The following UBN2 variants were observed in gnomAD, a reference collection of about 807,000 sequenced individuals.
UBN2 encodes the protein ubinuclein-2.
Under a neutral mutation model 120.2 loss-of-function variants are expected in UBN2, and 35 were observed. That is an observed-to-expected ratio of 0.29 (90% CI 0.22 to 0.39). The LOEUF (loss-of-function observed/expected upper bound fraction) is 0.39. Ranked by LOEUF, UBN2 falls within the 10% of genes least tolerant of loss-of-function variation. The probability of loss-of-function intolerance (pLI) is 1.00; values close to 1 mark genes in which losing one functional copy is unlikely to be tolerated. For synonymous variants in UBN2, 661 were observed against 648.7 expected (o/e 1.02, Z -0.29); for missense variants, 1,693 against 1,663.2 (o/e 1.02, Z -0.31).
chr7:139,242,362 T>C (rs1432981323), intron 2 of UBN2, among the ~76,000 whole-genome samples: 1 of 152,202 alleles, frequency 6.6e-6, no homozygotes, highest in African/African-American at 2.4e-5. Flanking sequence ...TTAACCTGTT[T>C]GTTTTGGCCT....
In UBN2 at chr7:139,258,614, A is replaced by C; in HGVS notation, c.790A>C (p.Lys264Gln). The C allele has an allele frequency of 2.5e-6, 4 of 1,598,272 alleles. No individual in the cohort carries two copies. Among genetic ancestry groups the C allele is most frequent in the Non-Finnish European group, 2.6e-6 (3 of 1,171,544 alleles). ...EDDITDNQKH[K>Q]PPKVPKIKED... ...TGATATTACAGACAACCAAAAGCAC[A>C]AGCCACCCAAGGTGAGTTTATCAAA... Residue 264 changes from lysine to glutamine, a missense_variant, in exon 4 of 18, where the codon AAG becomes CAG. This residue lies in a region of UBN2 where 663 missense variants were observed against 591.2 expected (regional missense o/e 1.12). Coordinates refer to ENST00000473989, the MANE Select transcript of UBN2 (RefSeq NM_173569.4).
chr7:139,291,896 A>G lies in UBN2; in HGVS notation c.3670-1336A>G, dbSNP rs181963914. Among the ~76,000 whole-genome samples the G allele has an allele frequency of 5.0e-3, 756 of 152,202 alleles. 5 individuals are homozygous for G. Among genetic ancestry groups the G allele is most frequent in the Non-Finnish European group, 6.9e-3 (471 of 68,028 alleles). ...AATTTTTTTTAAATAAAAAAGTCAAAATGGAAAAAAATGATTTAATTGCCA... is the reference window on the plus strand; with the variant it reads ...AATTTTTTTTAAATAAAAAAGTCAAGATGGAAAAAAATGATTTAATTGCCA... On this transcript the variant is annotated intron_variant, in intron 15 of 17. Transcript: ENST00000473989.
chr7:139,267,560 G>GAA (rs1311749572), intron 7 of UBN2, among the ~76,000 whole-genome samples: 11 of 151,284 alleles, frequency 7.3e-5, no homozygotes, highest in African/African-American at 2.7e-4. Flanking sequence ...GAGAGAAAGA[G>GAA]AGAAGGAAAA....
In UBN2 at chr7:139,283,563, G is replaced by C. The variant is rs775025735; in HGVS notation, c.2658G>C (p.Gln886His). 7 of 1,614,166 alleles carry C rather than the reference G, an allele frequency of 4.3e-6. No individual in the cohort carries two copies. The highest frequency in any genetic ancestry group is 3.3e-5 in the South Asian group (3 of 91,078). Residue 886 changes from glutamine to histidine, a missense_variant, in exon 15 of 18, where the codon CAG (glutamine) becomes CAC (histidine). By Grantham distance (24) the Gln-to-His change is conservative. Transcript: ENST00000473989. ...LLQQGLQRSS[Q>H]IHTSSSSQTH... The stretch of plus-strand genomic sequence containing the variant: ...AACAAGGACTTCAGAGGTCAAGCCA[G>C]ATTCACACTTCTTCCTCTTCACAGA...
chr7:139,262,138 G>A (rs1287750496), intron 6 of UBN2, among the ~76,000 whole-genome samples: 1 of 151,566 alleles, frequency 6.6e-6, no homozygotes. Context: ...TTGCTCCGTC[G>A]TCACACAGGC....
At chr7:139,311,310 TTTG>T (rs538825924), downstream of UBN2, among the ~76,000 whole-genome samples, 10 of 152,316 alleles carry the variant, frequency 6.6e-5, no homozygotes, top group East Asian at 1.9e-3. Flanking sequence ...CTAGGCGTAG[TTTG>T]TTTTTTCTCC....
Position 139,287,776 on chromosome 7 carries a change from A to G in UBN2, c.3669+3202A>G, listed in dbSNP as rs113042150. Among the ~76,000 whole-genome samples the G allele has an allele frequency of 6.2e-3, 929 of 150,912 alleles. 6 individuals carry two copies. The highest frequency in any genetic ancestry group is 0.021 in the African/African-American group (853 of 41,402). On this transcript the variant is annotated intron_variant, in intron 15 of 17. Transcript: ENST00000473989. The stretch of plus-strand genomic sequence containing the variant: ...AAAGTAAGGTTCTTTTTGTTTTAAC[A>G]TAGCGTCTCAATAAAGTCTTACCAG...
intron 2 of UBN2, among the ~76,000 whole-genome samples, chr7:139,244,611 T>A (rs1796413545): frequency 6.6e-6 from 1 of 152,138 alleles, no homozygotes; most frequent in Non-Finnish European, 1.5e-5. Context: ...CACCACTGCT[T>A]CCAGTTCTAT....
the UBN2 span, among the ~76,000 whole-genome samples, chr7:139,329,410 G>T: frequency 6.6e-6 from 1 of 151,866 alleles, no homozygotes; most frequent in East Asian, 1.9e-4. Context: ...AATTACTGTT[G>T]CTTGGACCCT....
At chr7:139,322,265 T>C in the UBN2 span, among the ~76,000 whole-genome samples, 1 of 151,878 alleles carries the variant, frequency 6.6e-6, no homozygotes, top group Non-Finnish European at 1.5e-5. Context: ...TGAGCCACCA[T>C]GCACAGCGGA....
In UBN2 at chr7:139,305,888, T is replaced by C. The variant is rs2131095324; in HGVS notation, c.*8052T>C. ...CTTCATTAGAGGCTATTTCTCATAA[T>C]AGTCTGCCTTGCTTATTTTCATACT... On this transcript the variant is annotated 3_prime_UTR_variant, in exon 18 of 18. Coordinates refer to ENST00000473989, the MANE Select transcript of UBN2 (RefSeq NM_173569.4). 6.6e-6 allele frequency: 1 copy of C among 152,354 alleles called. No homozygotes were observed. Among genetic ancestry groups the C allele is most frequent in the South Asian group, 2.1e-4 (1 of 4,826 alleles). 9.4% of individuals were successfully genotyped at this position (152,354 alleles called of 1,614,324 possible).
chr7:139,253,108 A>G (rs1584996233), intron 3 of UBN2, among the ~76,000 whole-genome samples: 1 of 152,242 alleles, frequency 6.6e-6, no homozygotes, highest in Non-Finnish European at 1.5e-5. Context: ...ATATTAGTAC[A>G]TGGATATAAT....
At position 139,231,273 on chromosome 7, in the gene UBN2, C is replaced by T. The variant is rs766941051; in HGVS notation, c.-212C>T. Among the ~76,000 whole-genome samples the T allele has an allele frequency of 6.6e-6, 1 of 152,226 alleles. No individual in the cohort carries two copies. Among genetic ancestry groups the T allele is most frequent in the Non-Finnish European group, 1.5e-5 (1 of 68,040 alleles). On this transcript the variant is annotated 5_prime_UTR_variant, in exon 1 of 18. Coordinates refer to ENST00000473989, the MANE Select transcript of UBN2 (RefSeq NM_173569.4). ...TATGTGGGGGATCCAACATGGCGGCCGCGGCGACCCTGGCGATGGCGGTGA... is the reference window on the plus strand; with the variant it reads ...TATGTGGGGGATCCAACATGGCGGCTGCGGCGACCCTGGCGATGGCGGTGA...
rs1400371414 is a variant in UBN2, at chr7:139,261,519, G to A, written c.1173G>A (p.Glu391=). 5 of 1,614,036 alleles carry A rather than the reference G, an allele frequency of 3.1e-6. No individual in the cohort carries two copies. The highest frequency in any genetic ancestry group is 1.3e-5 in the African/African-American group (1 of 74,896). Residue 391 remains glutamate, a synonymous_variant, in exon 6 of 18, where the codon GAG becomes GAA. Transcript: ENST00000473989. The stretch of plus-strand genomic sequence containing the variant: ...TTTTTGTTAGCACAAATGAACATGA[G>A]CTGTTTCAGGAAGCTGAAAATGCCC... ...LPIFVSTNEH[E]LFQEAENALE...
chr7:139,330,149 AT>A, the UBN2 span, among the ~76,000 whole-genome samples: 1 of 152,306 alleles, frequency 6.6e-6, no homozygotes, highest in East Asian at 1.9e-4. Flanking sequence ...TGCCCCCTCA[AT>A]TACTTTACTT....
At chr7:139,278,452 T>C (rs1421116840) in intron 12 of UBN2, among the ~76,000 whole-genome samples, 1 of 152,140 alleles carries the variant, frequency 6.6e-6, no homozygotes, top group Non-Finnish European at 1.5e-5. Context: ...GTGCTAGCAT[T>C]ACAGGCATGA....
At chr7:139,290,807 C>A (rs1797933011) in intron 15 of UBN2, among the ~76,000 whole-genome samples, 1 of 152,102 alleles carries the variant, frequency 6.6e-6, no homozygotes, top group South Asian at 2.1e-4. Context: ...GGATATTCTT[C>A]ATTTGTTTGT....
At chr7:139,284,648 A>G (rs1797728946) in intron 15 of UBN2, 74 bp downstream of exon 15, 1 of 1,320,914 alleles carries the variant, frequency 7.6e-7, no homozygotes, top group Non-Finnish European at 1.0e-6. Flanking sequence ...GGTAACTTTA[A>G]TAAGCTTTTT....
chr7:139,240,250 CAA>C (rs1351068165), intron 2 of UBN2, among the ~76,000 whole-genome samples: 1 of 151,136 alleles, frequency 6.6e-6, no homozygotes, highest in African/African-American at 2.4e-5. Context: ...AAAGCATGCC[CAA>C]GTGTTATATC....
Sources: gnomAD v4.1 joint callset for allele counts (sites outside exome capture counted in the v4.1 genomes callset) on GRCh38, gnomAD v4.1.1 for gene constraint, gnomAD v4.1.1 regional missense constraint, MANE v1.5 for transcripts, NCBI Gene and HGNC (gene_info 2026-07-23, HGNC 2026-07-21) for gene names.